Variants in TTLL9 observed in about 807,000 individuals in gnomAD.
TTLL9 encodes the protein probable tubulin polyglutamylase TTLL9.
TTLL9 carries 47 observed loss-of-function variants against 65.6 expected under a neutral mutation model. That is an observed-to-expected ratio of 0.72 (90% CI 0.57 to 0.91). TTLL9 has a LOEUF of 0.91. TTLL9 is among the 40% of genes least tolerant of loss of function. TTLL9 has a pLI of 0.00. For missense variants in TTLL9, 537 were observed against 568.8 expected (o/e 0.94, Z 0.57); for synonymous variants, 179 against 204.8 (o/e 0.87, Z 1.07).
In TTLL9 at chr20:31,870,692, G is replaced by C; in HGVS notation, c.-263G>C. ...CAGTTTGTTGGGGCCGCGTGGGGCCGCCACCTCCGGAGGTGGGGGCGGGGG... is the reference window on the plus strand; with the variant it reads ...CAGTTTGTTGGGGCCGCGTGGGGCCCCCACCTCCGGAGGTGGGGGCGGGGG... On this transcript the variant is annotated 5_prime_UTR_variant, in exon 1 of 15. Coordinates refer to ENST00000535842, the MANE Select transcript of TTLL9 (RefSeq NM_001008409.5). This position sits in a 1 kb window ranked among gnomAD's most constrained non-coding sequence, Gnocchi z 6.6. 1 of 920,696 alleles carries C rather than the reference G, an allele frequency of 1.1e-6. No individual in the cohort carries two copies. Among genetic ancestry groups the C allele is most frequent in the Non-Finnish European group, 1.4e-6 (1 of 690,410 alleles). 57.0% of individuals were successfully genotyped at this position (920,696 alleles called of 1,614,324 possible).
At chr20:31,915,716 A>C (rs1380930958) in intron 6 of TTLL9, among the ~76,000 whole-genome samples, 1 of 151,528 alleles carries the variant, frequency 6.6e-6, no homozygotes. Flanking sequence ...TCTTGGCTGC[A>C]AAATGGGGAT....
At chr20:31,934,622 G>T (rs2064077044) in intron 11 of TTLL9, 70 bp from the exon 12 acceptor site, 1 of 1,389,614 alleles carries the variant, frequency 7.2e-7, no homozygotes, top group Middle Eastern at 2.6e-4. Context: ...GAGCAATTGT[G>T]TAAGGGTCCT....
chr20:31,890,156 T>TCTTC (rs2063282248), intron 3 of TTLL9, among the ~76,000 whole-genome samples: 9 of 99,892 alleles, frequency 9.0e-5, no homozygotes, highest in African/African-American at 3.3e-4. Context: ...CTTCCTTCCT[T>TCTTC]CTTTCTTTCT....
intron 2 of TTLL9, chr20:31,879,671 T>G (rs955743012): frequency 7.4e-6 from 5 of 680,200 alleles, no homozygotes; most frequent in Non-Finnish European, 9.5e-6. Context: ...AAAGAAAGGT[T>G]GAGGAAGTCG....
At chr20:31,873,700 A>AGAG (rs1235899897) in intron 2 of TTLL9, among the ~76,000 whole-genome samples, 1 of 129,474 alleles carries the variant, frequency 7.7e-6, no homozygotes, top group Admixed American at 8.5e-5. Context: ...GAAAGAAAGA[A>AGAG]AGAAAGAAAG....
chr20:31,925,287 C>T (rs1392891705), intron 9 of TTLL9, among the ~76,000 whole-genome samples: 1 of 152,154 alleles, frequency 6.6e-6, no homozygotes, highest in Non-Finnish European at 1.5e-5. Context: ...TTTATTCATT[C>T]GGTCATCCAC....
intron 2 of TTLL9, chr20:31,872,877 G>A (rs1203182374): frequency 6.8e-6 from 3 of 438,764 alleles, no homozygotes; most frequent in African/African-American, 6.0e-5. Context: ...GCATGCAGGA[G>A]CACATATGGC....
rs745527341 is a variant in TTLL9 at position 31,933,877 on chromosome 20, G to C, written c.807+19G>C. On this transcript the variant is annotated intron_variant, in intron 11 of 14. Transcript: ENST00000535842. ...AAAGAAGGTGAGGAAGCCGGGCTCG[G>C]CTATGCACGGGTACAGCCCTCTGGC... 1 of 1,611,848 alleles carries C rather than the reference G, an allele frequency of 6.2e-7. No homozygotes were observed.
At chr20:31,906,434 A>G (rs951328900) in intron 4 of TTLL9, among the ~76,000 whole-genome samples, 12 of 152,154 alleles carry the variant, frequency 7.9e-5, no homozygotes, top group Non-Finnish European at 1.5e-4. Context: ...TGGATAAGGG[A>G]TATAGTGTAG....
Position 31,870,688 on chromosome 20 carries a change from G to A in TTLL9, c.-267G>A, listed in dbSNP as rs1445172585. The A allele has an allele frequency of 1.0e-6, 1 of 983,248 alleles. No individual in the cohort carries two copies. The highest frequency in any genetic ancestry group is 1.3e-6 in the Non-Finnish European group (1 of 746,046). The allele number at this position is 983,248 out of a possible 1,614,324, so 60.9% of individuals were successfully genotyped here. On this transcript the variant is annotated 5_prime_UTR_variant, in exon 1 of 15. Transcript: ENST00000535842. This position sits in a 1 kb window ranked among gnomAD's most constrained non-coding sequence, Gnocchi z 6.6. ...ACGGCAGTTTGTTGGGGCCGCGTGG[G>A]GCCGCCACCTCCGGAGGTGGGGGCG...
chr20:31,922,168 G>A (rs2063824701), intron 7 of TTLL9, among the ~76,000 whole-genome samples: 2 of 151,968 alleles, frequency 1.3e-5, no homozygotes, highest in East Asian at 1.9e-4. Context: ...AGGAGGCTGA[G>A]GCACAAGAGT....
chr20:31,920,033 G>GA, intron 7 of TTLL9, 101 bp downstream of exon 7: 2 of 1,117,996 alleles, frequency 1.8e-6, no homozygotes, highest in African/African-American at 3.3e-5. Flanking sequence ...GGCTGGCAGA[G>GA]AAACTCTGCC....
In TTLL9 at chr20:31,902,791, C is replaced by T. The variant is rs148005361; in HGVS notation, c.206+4226C>T. On this transcript the variant is annotated intron_variant, in intron 4 of 14. Transcript: ENST00000535842. The stretch of plus-strand genomic sequence containing the variant: ...TTTCTGAAGTGACTATGCCATTTTA[C>T]ATTAACACCAGGAGTGTATGAGGGT... Among the ~76,000 whole-genome samples, 9 of 152,246 alleles carry T rather than the reference C, an allele frequency of 5.9e-5. 1 individual carries two copies. Among genetic ancestry groups the T allele is most frequent in the African/African-American group, 2.2e-4 (9 of 41,534 alleles).
chr20:31,913,554 C>T (rs2063688228), intron 6 of TTLL9, among the ~76,000 whole-genome samples: 1 of 152,204 alleles, frequency 6.6e-6, no homozygotes, highest in Admixed American at 6.5e-5. Flanking sequence ...AGTCACAGGG[C>T]AGCCCTCGGG....
intron 4 of TTLL9, among the ~76,000 whole-genome samples, chr20:31,908,078 C>G (rs565821241): frequency 3.0e-4 from 46 of 152,268 alleles, no homozygotes; most frequent in African/African-American, 1.1e-3. Flanking sequence ...GCAAGGCCAT[C>G]TTGCCTTAGA....
chr20:31,883,580 G>T (rs1039399946), intron 2 of TTLL9, among the ~76,000 whole-genome samples: 5 of 152,088 alleles, frequency 3.3e-5, no homozygotes, highest in Admixed American at 2.0e-4. Flanking sequence ...GTTCTTGGGG[G>T]CCCAGGCAGA....
At chr20:31,898,921 A>C (rs1448701357) in intron 4 of TTLL9, among the ~76,000 whole-genome samples, 2 of 152,362 alleles carry the variant, frequency 1.3e-5, no homozygotes, top group East Asian at 3.9e-4. Flanking sequence ...TGGATCCTCC[A>C]GTGACGGGTC....
At chr20:31,879,604 C>A (rs1012381874) in intron 2 of TTLL9, 3 of 471,816 alleles carry the variant, frequency 6.4e-6, no homozygotes, top group Non-Finnish European at 1.1e-5. Context: ...CGGCGTGGGG[C>A]AGAGGGAGCC....
chr20:31,913,652 G>A (rs867298649), intron 6 of TTLL9, among the ~76,000 whole-genome samples: 3 of 152,160 alleles, frequency 2.0e-5, no homozygotes, highest in African/African-American at 7.2e-5. Context: ...TCAGAAGGGA[G>A]CAGGCAGCAT....
Sources: gnomAD v4.1 joint callset for allele counts (sites outside exome capture counted in the v4.1 genomes callset) on GRCh38, gnomAD v4.1.1 for gene constraint, Gnocchi (gnomAD v3.1) non-coding constraint, MANE v1.5 for transcripts, NCBI Gene and HGNC (gene_info 2026-07-23, HGNC 2026-07-21) for gene names.